The following KCTD5 variants were observed in gnomAD, a reference collection of about 807,000 sequenced individuals.
KCTD5 encodes potassium channel tetramerization domain containing 5.
A neutral mutation model predicts 27.9 loss-of-function variants in KCTD5; 12 were observed. The ratio of observed to expected loss-of-function variants is 0.43; its 90% CI spans 0.28 to 0.70. The LOEUF is 0.70. Ranked by LOEUF, KCTD5 falls within the 30% of genes least tolerant of loss-of-function variation. The pLI is 0.19. For missense variants in KCTD5, 226 were observed against 274.8 expected (o/e 0.82, Z 1.26); for synonymous variants, 147 against 121.4 (o/e 1.21, Z -1.39).
In KCTD5 at chr16:2,697,711, G is replaced by A. The variant is rs573644693; in HGVS notation, c.362-195G>A. 4.6e-5 allele frequency among the ~76,000 whole-genome samples: 7 copies of A among 152,312 alleles called. 1 individual carries two copies. In the South Asian group the frequency reaches 1.0e-3, roughly 23 times the overall value. On this transcript the variant is annotated intron_variant, in intron 2 of 5. Transcript: ENST00000301738. ...TCGGCCCTCTCACCACGGCCCCTCCGCCCATTATCCCAGGAGCCCTGCTGG... is the reference window on the plus strand; with the variant it reads ...TCGGCCCTCTCACCACGGCCCCTCCACCCATTATCCCAGGAGCCCTGCTGG...
chr16:2,697,133 C>G (rs531606234), intron 2 of KCTD5: 27 of 152,532 alleles, frequency 1.8e-4, no homozygotes, highest in African/African-American at 6.5e-4. Flanking sequence ...CTCTGAGGCC[C>G]TCGTCTCCTT....
Position 2,699,805 on chromosome 16 carries a change from C to A in KCTD5, c.454-16C>A, listed in dbSNP as rs1475408555. On this transcript the variant is annotated splice_polypyrimidine_tract_variant and intron_variant, in intron 3 of 5. Coordinates refer to ENST00000301738, the MANE Select transcript of KCTD5 (RefSeq NM_018992.4). ...CATGGGTGGCCCGCCCTTACCTGTG[C>A]CCATTGTCCTTGCAGGTGCCTGTGA... 1.2e-6 allele frequency: 2 copies of A among 1,611,336 alleles called. No homozygotes were observed. The highest frequency in any genetic ancestry group is 1.7e-6 in the Non-Finnish European group (2 of 1,178,458).
rs767276925 is a variant in KCTD5, at chr16:2,682,801, G to A, written c.252+1G>A. On this transcript the variant is annotated splice_donor_variant, in intron 1 of 5. Coordinates refer to ENST00000301738, the MANE Select transcript of KCTD5 (RefSeq NM_018992.4). LOFTEE classifies it high-confidence loss of function. ...CGATCCCGACCTGGACTCAGACAAG[G>A]TGAGGGCCTCACGGGCCAGCCCGGA... 2 of 1,591,332 alleles carry A rather than the reference G, an allele frequency of 1.3e-6. No individual in the cohort carries two copies. The highest frequency in any genetic ancestry group is 2.8e-5 in the African/African-American group (2 of 72,718).
chr16:2,682,873 G>T, intron 1 of KCTD5, 73 bp downstream of exon 1: 2 of 1,472,092 alleles, frequency 1.4e-6, no homozygotes, highest in South Asian at 1.3e-5. Context: ...GCCCTGCTTC[G>T]TGCGGAGGAG....
At position 2,682,778 on chromosome 16, in the gene KCTD5, A is replaced by C. The variant is rs2067524046; in HGVS notation, c.230A>C (p.Asp77Ala). The C allele has an allele frequency of 6.2e-7, 1 of 1,600,768 alleles. No individual in the cohort carries two copies. Residue 77 changes from aspartate to alanine, a missense_variant, in exon 1 of 6, where the codon GAT (aspartate) becomes GCT (alanine). Physicochemically the swap from Asp to Ala is moderately radical, Grantham distance 126. Coordinates refer to ENST00000301738, the MANE Select transcript of KCTD5 (RefSeq NM_018992.4). ...KSFLYRLCQA[D>A]PDLDSDKDET... ...TTCCTGTACCGCTTATGCCAGGCCG[A>C]TCCCGACCTGGACTCAGACAAGGTG... is the stretch of plus-strand genomic sequence containing the variant.
intron 5 of KCTD5, among the ~76,000 whole-genome samples, chr16:2,706,604 T>C (rs906771671): frequency 6.8e-6 from 1 of 147,466 alleles, no homozygotes; most frequent in Non-Finnish European, 1.5e-5. Context: ...AGGGGGTTCC[T>C]GGACACTGGT....
intron 1 of KCTD5, among the ~76,000 whole-genome samples, chr16:2,688,147 G>C (rs2067548793): frequency 6.6e-6 from 1 of 151,484 alleles, no homozygotes. Context: ...TGCCAGGTCA[G>C]TGCAGTCAGG....
chr16:2,691,606 G>A (rs998929415), intron 1 of KCTD5, among the ~76,000 whole-genome samples: 8 of 152,204 alleles, frequency 5.3e-5, no homozygotes, highest in Non-Finnish European at 8.8e-5. Flanking sequence ...ATTGAACCAC[G>A]TGGGAGGAGT....
At position 2,702,578 on chromosome 16, in the gene KCTD5, G is replaced by A. The variant is rs567049573; in HGVS notation, c.675+100G>A. ...TTTCTGCCATTCTCATCAAGCTCCC[G>A]GTGTCCGCCCCTGGTGGCCTTGCTG... On this transcript the variant is annotated intron_variant, in intron 5 of 5. Coordinates refer to ENST00000301738, the MANE Select transcript of KCTD5 (RefSeq NM_018992.4). 6 of 1,467,764 alleles carry A rather than the reference G, an allele frequency of 4.1e-6. No individual in the cohort carries two copies. The African/African-American group carries it at 4.2e-5, about 10-fold the overall frequency. 90.9% of individuals were successfully genotyped at this position (1,467,764 alleles called of 1,614,324 possible).
intron 4 of KCTD5, 62 bp downstream of exon 4, chr16:2,699,978 C>G: frequency 6.9e-7 from 1 of 1,440,116 alleles, no homozygotes; most frequent in Non-Finnish European, 9.7e-7. Context: ...CTCACAATGG[C>G]TCAGGGCTCA....
At chr16:2,692,291 A>G (rs570172337) in intron 1 of KCTD5, among the ~76,000 whole-genome samples, 1 of 152,142 alleles carries the variant, frequency 6.6e-6, no homozygotes, top group South Asian at 2.1e-4. Context: ...AGGAAGAATG[A>G]GGTAGCAGAC....
In KCTD5 at chr16:2,702,447, G is replaced by T; in HGVS notation, c.644G>T (p.Gly215Val). ...AAGGAGCTGCACAACACCCCGTACG[G>T]TACGGCCAGCGAGCCCAGCGAGAAG... ...VSKELHNTPY[G>V]TASEPSEKAK... The change falls in exon 5 of 6, where the codon GGT (glycine) becomes GTT (valine). Residue 215 changes from glycine to valine, a missense_variant. Coordinates refer to ENST00000301738, the MANE Select transcript of KCTD5 (RefSeq NM_018992.4). 6.2e-7 allele frequency: 1 copy of T among 1,613,224 alleles called. No homozygotes were observed. The highest frequency in any genetic ancestry group is 8.5e-7 in the Non-Finnish European group (1 of 1,179,940).
intron 3 of KCTD5, 72 bp downstream of exon 3, chr16:2,698,069 C>T (rs924012354): frequency 1.9e-6 from 2 of 1,079,862 alleles, no homozygotes; most frequent in East Asian, 2.4e-5. Context: ...ACTCCCCCGA[C>T]CGGCTGCCTC....
chr16:2,703,624 T>C (rs758503232), intron 5 of KCTD5, among the ~76,000 whole-genome samples: 1 of 152,134 alleles, frequency 6.6e-6, no homozygotes, highest in Non-Finnish European at 1.5e-5. Flanking sequence ...CCGCCAAGCA[T>C]GTCTCTCGGA....
At chr16:2,693,798 T>A (rs2067577553) in intron 1 of KCTD5, among the ~76,000 whole-genome samples, 1 of 151,052 alleles carries the variant, frequency 6.6e-6, no homozygotes, top group African/African-American at 2.4e-5. Flanking sequence ...GCCCTGGCAC[T>A]CATGGCGGCC....
At position 2,696,020 on chromosome 16, in the gene KCTD5, T is replaced by TTG. The variant is rs1245456167; in HGVS notation, c.339_340insGT (p.Asn114ValfsTer22). ...TACCTGAGACACGGCAAGCTGGTGA[T>TTG]TAACAAAGACCTCGCGGAGGAAGGT... On this transcript the variant is annotated frameshift_variant, in exon 2 of 6. Transcript: ENST00000301738. LOFTEE classifies it high-confidence loss of function. 1 of 411,134 alleles carries TTG rather than the reference T, an allele frequency of 2.4e-6. No homozygotes were observed. The highest frequency in any genetic ancestry group is 2.6e-5 in the African/African-American group (1 of 38,170). 25.5% of individuals were successfully genotyped at this position (411,134 alleles called of 1,614,324 possible).
chr16:2,691,044 C>T lies in KCTD5; in HGVS notation c.253-4891C>T, dbSNP rs535301649. On this transcript the variant is annotated intron_variant, in intron 1 of 5. Transcript: ENST00000301738. ...ACGAGTAGCCCCCGCACACATTAGGCCGATCTGGAACATGTGGGCTCACCC... is the reference window on the plus strand; with the variant it reads ...ACGAGTAGCCCCCGCACACATTAGGTCGATCTGGAACATGTGGGCTCACCC... 2.0e-5 allele frequency among the ~76,000 whole-genome samples: 3 copies of T among 152,354 alleles called. No individual in the cohort carries two copies. The South Asian group carries it at 6.2e-4, about 32-fold the overall frequency.
chr16:2,682,554 G>T lies in KCTD5; in HGVS notation c.6G>T (p.Ala2=), dbSNP rs763445930. 7.1e-7 allele frequency: 1 copy of T among 1,406,662 alleles called. No homozygotes were observed. The highest frequency in any genetic ancestry group is 2.6e-4 in the Middle Eastern group (1 of 3,900). The allele number at this position is 1,406,662 out of a possible 1,614,324, so 87.1% of individuals were successfully genotyped here. ...TTGCGGGGCTTGCTGGGATCATGGC[G>T]GAGAATCACTGCGAGCTCCTGTCGC... M[A]ENHCELLSPA... Residue 2 remains alanine (A), a synonymous_variant, in exon 1 of 6, where the codon GCG becomes GCT. Coordinates refer to ENST00000301738, the MANE Select transcript of KCTD5 (RefSeq NM_018992.4).
intron 1 of KCTD5, among the ~76,000 whole-genome samples, chr16:2,690,224 T>C (rs544560276): frequency 2.0e-5 from 3 of 152,354 alleles, no homozygotes; most frequent in Non-Finnish European, 4.4e-5. Context: ...GTCAGCTCTG[T>C]CTGCGGAGTC....
Sources: allele counts gnomAD v4.1 joint callset (sites outside exome capture counted in the v4.1 genomes callset), GRCh38; gene constraint gnomAD v4.1.1; transcripts MANE v1.5; gene names NCBI Gene and HGNC (gene_info 2026-07-23, HGNC 2026-07-21).